The following ANP32A variants were observed in gnomAD, a reference collection of about 807,000 sequenced individuals.
ANP32A encodes acidic nuclear phosphoprotein 32 family member A, also known as acidic leucine-rich nuclear phosphoprotein 32 family member A.
A neutral mutation model predicts 33.9 loss-of-function variants in ANP32A; 1 was observed. That is an observed-to-expected ratio of 0.03 (90% CI 0.01 to 0.14). ANP32A has a LOEUF of 0.14. Ranked by LOEUF, ANP32A falls within the 10% of genes least tolerant of loss-of-function variation. The probability of loss-of-function intolerance (pLI) is 1.00; values close to 1 mark genes in which losing one functional copy is unlikely to be tolerated. For missense variants in ANP32A, 155 were observed against 306.0 expected (o/e 0.51, Z 3.68); for synonymous variants, 115 against 120.5 (o/e 0.95, Z 0.30).
At chr15:68,782,866 C>A (rs372559498) in intron 5 of ANP32A, 90 bp downstream of exon 5, 8 of 1,518,730 alleles carry the variant, frequency 5.3e-6, no homozygotes, top group African/African-American at 4.2e-5. Flanking sequence ...CTAACCAGGG[C>A]TCCGGGGCTG....
At chr15:68,782,900 C>A in intron 5 of ANP32A, 56 bp downstream of exon 5, 2 of 1,548,030 alleles carry the variant, frequency 1.3e-6, no homozygotes, top group South Asian at 2.4e-5. Flanking sequence ...CAGAGGCAGT[C>A]AGTGGGACTG....
In ANP32A at chr15:68,779,873, T is replaced by G; in HGVS notation, c.*208A>C. The G allele has an allele frequency of 1.9e-6, 1 of 529,750 alleles. No individual in the cohort carries two copies. Among genetic ancestry groups the G allele is most frequent in the East Asian group, 3.0e-5 (1 of 33,168 alleles). The allele number at this position is 529,750 out of a possible 1,614,324, so 32.8% of individuals were successfully genotyped here. A position where few individuals can be genotyped will look rare whatever the true frequency, so the allele number is the denominator to read the frequency against. Reference sequence around the variant, plus strand: ...AAAAGTAGGGGAAAAAAATAAAGAGTGGCAGTAAAAATAGTATTTTATTCC... The same window carrying G: ...AAAAGTAGGGGAAAAAAATAAAGAGGGGCAGTAAAAATAGTATTTTATTCC... On this transcript the variant is annotated 3_prime_UTR_variant, in exon 7 of 7. Coordinates refer to ENST00000465139, the MANE Select transcript of ANP32A (RefSeq NM_006305.4).
chr15:68,788,322 C>A (rs1346167605), intron 1 of ANP32A, among the ~76,000 whole-genome samples: 1 of 152,202 alleles, frequency 6.6e-6, no homozygotes, highest in African/African-American at 2.4e-5. Flanking sequence ...GACTTCTGGG[C>A]CTTGCCCCGC....
chr15:68,808,372 A>C (rs1216787848), intron 1 of ANP32A, among the ~76,000 whole-genome samples: 1 of 152,182 alleles, frequency 6.6e-6, no homozygotes, highest in Non-Finnish European at 1.5e-5. Context: ...TCTTCCCTGC[A>C]GTGTATGTGC....
intron 1 of ANP32A, chr15:68,817,760 C>G (rs1272523683): frequency 3.9e-5 from 6 of 152,200 alleles, no homozygotes. Context: ...AGCCTCAGGC[C>G]GTTGGCGCGG....
intron 1 of ANP32A, among the ~76,000 whole-genome samples, chr15:68,813,804 G>C (rs1039920344): frequency 1.3e-5 from 2 of 151,412 alleles, no homozygotes; most frequent in Admixed American, 6.6e-5. Flanking sequence ...CCTTTCCTAA[G>C]TGACTGCACC....
At chr15:68,815,097 C>G (rs1384074205) in intron 1 of ANP32A, among the ~76,000 whole-genome samples, 2 of 152,164 alleles carry the variant, frequency 1.3e-5, no homozygotes, top group African/African-American at 4.8e-5. Context: ...TGGGTTGAGG[C>G]TGATTTCCAC....
At chr15:68,796,298 C>T (rs1894063135) in intron 1 of ANP32A, among the ~76,000 whole-genome samples, 1 of 152,204 alleles carries the variant, frequency 6.6e-6, no homozygotes, top group Admixed American at 6.5e-5. Flanking sequence ...TCAGGCTGGT[C>T]TTCAACTCCT....
At chr15:68,802,637 G>A (rs1378751875) in intron 1 of ANP32A, among the ~76,000 whole-genome samples, 2 of 152,150 alleles carry the variant, frequency 1.3e-5, no homozygotes, top group Admixed American at 1.3e-4. Context: ...CAGTCATACA[G>A]CCTCAGAGTC....
intron 1 of ANP32A, among the ~76,000 whole-genome samples, chr15:68,802,651 T>C (rs956998627): frequency 6.6e-6 from 1 of 152,116 alleles, no homozygotes; most frequent in Non-Finnish European, 1.5e-5. Flanking sequence ...CAGAGTCCTA[T>C]TATCTTATTT....
chr15:68,786,886 A>G (rs1008076070), intron 3 of ANP32A, among the ~76,000 whole-genome samples: 1 of 152,056 alleles, frequency 6.6e-6, no homozygotes, highest in African/African-American at 2.4e-5. Flanking sequence ...TCTTCTCCAC[A>G]CCACGTTGAG....
At chr15:68,783,936 A>G (rs1893900884) in intron 4 of ANP32A, among the ~76,000 whole-genome samples, 1 of 152,100 alleles carries the variant, frequency 6.6e-6, no homozygotes, top group Admixed American at 6.5e-5. Flanking sequence ...CTAGATGGGA[A>G]AGAGGGGTCC....
chr15:68,784,465 T>C lies in ANP32A; in HGVS notation c.458A>G (p.Lys153Arg). ...TYLDGYDRDD[K>R]EAPDSDAEGY... ...CTCAGCATCCGAGTCAGGGGCCTCC[T>C]TGTCGTCCCGGTCATAGCCGTCGAG... The change falls in exon 4 of 7, where the codon AAG becomes AGG. Residue 153 changes from lysine (K) to arginine (R), a missense_variant. Physicochemically the swap from Lys to Arg is conservative, Grantham distance 26. This residue lies in a region of ANP32A where 85 missense variants were observed against 183.8 expected (regional missense o/e 0.46). Coordinates refer to ENST00000465139, the MANE Select transcript of ANP32A (RefSeq NM_006305.4). 2 of 1,614,112 alleles carry C rather than the reference T, an allele frequency of 1.2e-6. No homozygotes were observed. The highest frequency in any genetic ancestry group is 2.2e-5 in the East Asian group (1 of 44,852).
intron 1 of ANP32A, among the ~76,000 whole-genome samples, chr15:68,802,795 G>C (rs1894155322): frequency 6.6e-6 from 1 of 152,172 alleles, no homozygotes; most frequent in South Asian, 2.1e-4. Flanking sequence ...TGGGATTACA[G>C]GTATGTGCCA....
At chr15:68,795,927 G>C (rs534559452) in intron 1 of ANP32A, among the ~76,000 whole-genome samples, 1 of 152,316 alleles carries the variant, frequency 6.6e-6, no homozygotes, top group South Asian at 2.1e-4. Flanking sequence ...GCTCTTAAAA[G>C]TGTTCACAGA....
chr15:68,817,948 C>T (rs1398385939), intron 1 of ANP32A, among the ~76,000 whole-genome samples: 1 of 152,252 alleles, frequency 6.6e-6, no homozygotes, highest in Non-Finnish European at 1.5e-5. Context: ...AGTCGTGCCA[C>T]AGGCGCGCAG....
At chr15:68,784,677 G>T in intron 3 of ANP32A, 82 bp from the exon 4 acceptor site, 1 of 1,487,890 alleles carries the variant, frequency 6.7e-7, no homozygotes, top group Non-Finnish European at 9.3e-7. Flanking sequence ...AGGCAAGGAT[G>T]CCATGAGATA....
chr15:68,780,510 C>T lies in ANP32A; in HGVS notation c.625-37G>A. 6.2e-7 allele frequency: 1 copy of T among 1,613,260 alleles called. No individual in the cohort carries two copies. The highest frequency in any genetic ancestry group is 1.3e-5 in the African/African-American group (1 of 75,020). ...GACAGACACCAGAACATTAGAAATG[C>T]CCTGCCTTGGGACATGCTGAGGAAG... On this transcript the variant is annotated intron_variant, in intron 5 of 6. Transcript: ENST00000465139. This position sits in a 1 kb window ranked among gnomAD's most constrained non-coding sequence, Gnocchi z 4.3.
rs906384260 is a variant in ANP32A, at chr15:68,804,601, C to T, written c.54+16097G>A. On this transcript the variant is annotated intron_variant, in intron 1 of 6. Coordinates refer to ENST00000465139, the MANE Select transcript of ANP32A (RefSeq NM_006305.4). ...AGGCTGGAGTGTAGTGGCACAATCTCGGTTCACTGCAACCTCTGATTCTCC... is the reference window on the plus strand; with the variant it reads ...AGGCTGGAGTGTAGTGGCACAATCTTGGTTCACTGCAACCTCTGATTCTCC... 1.9e-4 allele frequency among the ~76,000 whole-genome samples: 29 copies of T among 152,308 alleles called. 1 individual carries two copies. The highest frequency in any genetic ancestry group is 6.8e-3 in the Middle Eastern group (2 of 294).
Sources: allele counts gnomAD v4.1 joint callset (sites outside exome capture counted in the v4.1 genomes callset), GRCh38; gene constraint gnomAD v4.1.1; regional missense constraint gnomAD v4.1.1; non-coding constraint Gnocchi (gnomAD v3.1); transcripts MANE v1.5; gene names NCBI Gene and HGNC (gene_info 2026-07-23, HGNC 2026-07-21).